Variants in RIC3 observed in about 807,000 individuals in gnomAD.
RIC3 encodes the protein protein RIC-3.
Under a neutral mutation model 27.3 loss-of-function variants are expected in RIC3, and 28 were observed. That is an observed-to-expected ratio of 1.02 (90% confidence interval 0.76 to 1.41). The LOEUF (loss-of-function observed/expected upper bound fraction) is 1.41, where lower values mean the gene tolerates loss of function less well. Ranked by LOEUF, RIC3 falls within the 40% of genes most tolerant of loss-of-function variation. The probability of loss-of-function intolerance (pLI) is 0.00; values close to 1 mark genes in which losing one functional copy is unlikely to be tolerated. For missense variants in RIC3, 501 were observed against 444.7 expected, an observed-to-expected ratio of 1.13 and a Z score of -1.14; for synonymous variants, 184 against 160.4, an observed-to-expected ratio of 1.15 and a Z score of -1.11.
rs575608882 is a variant in RIC3, at chr11:8,131,537, G to A, written c.522-4730C>T. On this transcript the variant is annotated intron_variant, in intron 4 of 5. Coordinates refer to ENST00000309737, the MANE Select transcript of RIC3 (RefSeq NM_001206671.4). ...TGTCCAGTGGGCTCTATATATAGAG[G>A]TCAGGAAATGAAGTAAAGGAATGGT... 6.6e-5 allele frequency among the ~76,000 whole-genome samples: 10 copies of A among 152,214 alleles called. No homozygotes were observed. The East Asian group carries it at 1.4e-3, about 21-fold the overall frequency.
the RIC3 span, chr11:8,097,704 A>C: frequency 1.0e-3 from 1,659 of 1,608,238 alleles, 25 homozygotes; most frequent in South Asian, 0.017. Flanking sequence ...ACCTCATTCC[A>C]CTCCCCAAGG....
intron 1 of RIC3, among the ~76,000 whole-genome samples, chr11:8,168,641 A>G (rs1951967999): frequency 6.6e-6 from 1 of 152,212 alleles, no homozygotes; most frequent in African/African-American, 2.4e-5. Context: ...ACCTGCATGC[A>G]TACGTTCCTG....
rs1426432295 is a variant in RIC3 at position 8,138,301 on chromosome 11, G to T, written c.398C>A (p.Ala133Asp). The stretch of plus-strand genomic sequence containing the variant: ...TTTCCTGTGGGTGTTTCCAGGCATG[G>T]CAGTATAGCATTTCCCATCCTCTGC... ...TTAEDGKCYT[A>D]MPGNTHRKIT... The change falls in exon 3 of 6, where the codon GCC becomes GAC. Residue 133 changes from alanine (A) to aspartate (D), a missense_variant. Transcript: ENST00000309737. 1 of 1,613,400 alleles carries T rather than the reference G, an allele frequency of 6.2e-7. No homozygotes were observed. Among genetic ancestry groups the T allele is most frequent in the South Asian group, 1.1e-5 (1 of 91,050 alleles).
intron 5 of RIC3, among the ~76,000 whole-genome samples, chr11:8,112,763 C>T (rs1945419736): frequency 6.6e-6 from 1 of 152,196 alleles, no homozygotes; most frequent in South Asian, 2.1e-4. Flanking sequence ...ACATAACTGA[C>T]ATGATTTACT....
chr11:8,114,775 A>G (rs975909090), intron 5 of RIC3, among the ~76,000 whole-genome samples: 1 of 151,268 alleles, frequency 6.6e-6, no homozygotes, highest in South Asian at 2.1e-4. Context: ...TTTACGAGAG[A>G]TTGAAATTAT....
rs758515913 is a variant in RIC3, at chr11:8,108,586, G to A, written c.*2112C>T. The stretch of plus-strand genomic sequence containing the variant: ...GAAGCCAAAGCTCAGACCAGTTAAG[G>A]AGCTGACCCAAGATTCCACAGCTAG... On this transcript the variant is annotated 3_prime_UTR_variant, in exon 6 of 6. Coordinates refer to ENST00000309737, the MANE Select transcript of RIC3 (RefSeq NM_001206671.4). 9 of 152,122 alleles carry A rather than the reference G, an allele frequency of 5.9e-5. No homozygotes were observed. Among genetic ancestry groups the A allele is most frequent in the Admixed American group, 2.0e-4 (3 of 15,280 alleles). 9.4% of individuals were successfully genotyped at this position (152,122 alleles called of 1,614,324 possible). A position where few individuals can be genotyped will look rare whatever the true frequency, so the allele number is the denominator to read the frequency against.
chr11:8,139,094 C>T (rs1948746952), intron 2 of RIC3: 1 of 152,272 alleles, frequency 6.6e-6, no homozygotes, highest in Admixed American at 6.5e-5. Flanking sequence ...AGTGCTGCTT[C>T]TTTATGGCAC....
chr11:8,139,045 G>A (rs569372126), intron 2 of RIC3: 1 of 152,412 alleles, frequency 6.6e-6, no homozygotes, highest in Non-Finnish European at 1.5e-5. Flanking sequence ...TCTGCAGAAA[G>A]TAAAAATGGC....
chr11:8,140,229 T>C (rs780686960), intron 1 of RIC3, 36 bp from the exon 2 acceptor site: 1 of 1,566,410 alleles, frequency 6.4e-7, no homozygotes, highest in Admixed American at 1.8e-5. Context: ...TCTCTTCTAC[T>C]ATTTTAAAGA....
chr11:8,130,548 C>A (rs1319853268), intron 4 of RIC3, among the ~76,000 whole-genome samples: 3 of 152,150 alleles, frequency 2.0e-5, no homozygotes, highest in Non-Finnish European at 4.4e-5. Flanking sequence ...AACCAAGGAA[C>A]CCTGATAAAG....
At chr11:8,128,788 G>A (rs530022461) in intron 4 of RIC3, among the ~76,000 whole-genome samples, 78 of 122,828 alleles carry the variant, frequency 6.4e-4, no homozygotes, top group Non-Finnish European at 1.0e-3. Flanking sequence ...ATGGAGTCTC[G>A]CTGTCGCCCA....
chr11:8,116,411 A>T (rs997388314), intron 5 of RIC3, among the ~76,000 whole-genome samples: 1 of 152,226 alleles, frequency 6.6e-6, no homozygotes. Flanking sequence ...AGCCCATGCA[A>T]CAAAAGTGAA....
At chr11:8,167,144 A>G (rs1951766082) in intron 1 of RIC3, among the ~76,000 whole-genome samples, 2 of 152,178 alleles carry the variant, frequency 1.3e-5, no homozygotes. Context: ...TAGCTTAATA[A>G]TCTTAAAGTA....
chr11:8,115,988 T>G (rs1421969259), intron 5 of RIC3, among the ~76,000 whole-genome samples: 1 of 152,170 alleles, frequency 6.6e-6, no homozygotes, highest in Non-Finnish European at 1.5e-5. Flanking sequence ...AGTACCTGAT[T>G]CCCAAATCTA....
rs1470783727 is a variant in RIC3, at chr11:8,107,371, G to A, written c.*3327C>T. The A allele has an allele frequency of 6.6e-6, 1 of 152,132 alleles. No individual in the cohort carries two copies. Among genetic ancestry groups the A allele is most frequent in the East Asian group, 1.9e-4 (1 of 5,184 alleles). 9.4% of individuals were successfully genotyped at this position (152,132 alleles called of 1,614,324 possible). A position where few individuals can be genotyped will look rare whatever the true frequency, so the allele number is the denominator to read the frequency against. On this transcript the variant is annotated 3_prime_UTR_variant, in exon 6 of 6. Transcript: ENST00000309737. ...CCTATCTCCTGTGGCCTCTGCCTCT[G>A]GTGGGAAATAGCGCATACAGGATAT...
chr11:8,126,557 G>C (rs1590150584), intron 5 of RIC3, 102 bp downstream of exon 5: 1 of 1,349,654 alleles, frequency 7.4e-7, no homozygotes, highest in East Asian at 2.4e-5. Context: ...TAATATTACT[G>C]TTTATATATT....
intron 1 of RIC3, among the ~76,000 whole-genome samples, chr11:8,150,429 A>G (rs1192915942): frequency 6.6e-6 from 1 of 152,220 alleles, no homozygotes; most frequent in Non-Finnish European, 1.5e-5. Context: ...TAATGAAGAA[A>G]CTTGGAAGGC....
intron 1 of RIC3, among the ~76,000 whole-genome samples, chr11:8,158,214 CAGAG>C (rs900392419): frequency 6.6e-6 from 1 of 152,078 alleles, no homozygotes; most frequent in Admixed American, 6.6e-5. Context: ...TTTCACATCT[CAGAG>C]AGATTAAGAC....
At chr11:8,138,139 G>A (rs1173002108) in intron 3 of RIC3, 133 bp downstream of exon 3, 6 of 596,524 alleles carry the variant, frequency 1.0e-5, no homozygotes, top group African/African-American at 1.9e-5. Context: ...CAGAACTAAG[G>A]CAAAAATGGC....
Sources: gnomAD v4.1 joint callset for allele counts (sites outside exome capture counted in the v4.1 genomes callset) on GRCh38, gnomAD v4.1.1 for gene constraint, MANE v1.5 for transcripts, NCBI Gene and HGNC (gene_info 2026-07-23, HGNC 2026-07-21) for gene names.